The following FAT3 variants were observed in gnomAD, a reference collection of about 807,000 sequenced individuals.
The protein encoded by FAT3 is FAT atypical cadherin 3.
FAT3 carries 95 observed loss-of-function variants against 310.2 expected under a neutral mutation model. The ratio of observed to expected loss-of-function variants is 0.31; its 90% confidence interval spans 0.26 to 0.36. The LOEUF is 0.36. Ranked by LOEUF, FAT3 falls within the 10% of genes least tolerant of loss-of-function variation. The pLI, the probability that FAT3 is intolerant of heterozygous loss-of-function variation, is 1.00. For synonymous variants in FAT3, 2,314 were observed against 2,192.9 expected (o/e 1.06, Z -1.54); for missense variants, 5,408 against 5,715.6 (o/e 0.95, Z 1.74).
intron 2 of FAT3, among the ~76,000 whole-genome samples, chr11:92,382,510 C>G (rs1949518858): frequency 6.6e-6 from 1 of 152,154 alleles, no homozygotes; most frequent in African/African-American, 2.4e-5. Context: ...TTATGAGATC[C>G]TGCCTCGTAA....
intron 2 of FAT3, among the ~76,000 whole-genome samples, chr11:92,396,711 A>T (rs979594584): frequency 6.6e-6 from 1 of 151,918 alleles, no homozygotes; most frequent in Non-Finnish European, 1.5e-5. Flanking sequence ...TTTGTTATTT[A>T]TTTATTTTTT....
chr11:92,747,854 C>T (rs1316006546), intron 4 of FAT3, among the ~76,000 whole-genome samples: 3 of 152,210 alleles, frequency 2.0e-5, no homozygotes, highest in Non-Finnish European at 4.4e-5. Flanking sequence ...CAACCTCAGC[C>T]TGGACTTTAT....
At chr11:92,469,369 T>C (rs565665275) in intron 2 of FAT3, among the ~76,000 whole-genome samples, 1 of 152,196 alleles carries the variant, frequency 6.6e-6, no homozygotes, top group Non-Finnish European at 1.5e-5. Context: ...TCGCCATCTG[T>C]CTCTTCTTGG....
chr11:92,511,578 C>T (rs1245547531), intron 2 of FAT3, among the ~76,000 whole-genome samples: 1 of 152,132 alleles, frequency 6.6e-6, no homozygotes, highest in Non-Finnish European at 1.5e-5. Context: ...TAGTGGGGAG[C>T]TCACAGTAGG....
chr11:92,479,500 C>T (rs1309495935), intron 2 of FAT3, among the ~76,000 whole-genome samples: 1 of 152,122 alleles, frequency 6.6e-6, no homozygotes, highest in Non-Finnish European at 1.5e-5. Flanking sequence ...AATTAAGGCT[C>T]AATATTACGT....
chr11:92,303,736 C>G (rs1339716648), intron 1 of FAT3, among the ~76,000 whole-genome samples: 1 of 152,078 alleles, frequency 6.6e-6, no homozygotes, highest in Non-Finnish European at 1.5e-5. Flanking sequence ...ATGTTTGTAG[C>G]TTGGGATGGC....
chr11:92,480,992 A>G (rs1415236902), intron 2 of FAT3, among the ~76,000 whole-genome samples: 1 of 152,228 alleles, frequency 6.6e-6, no homozygotes, highest in Non-Finnish European at 1.5e-5. Flanking sequence ...ATGAAAAGGT[A>G]TCGTTGCAAA....
chr11:92,809,677 C>A (rs1947613110), intron 12 of FAT3, among the ~76,000 whole-genome samples, 166 bp from the exon 13 acceptor site: 1 of 152,222 alleles, frequency 6.6e-6, no homozygotes, highest in Non-Finnish European at 1.5e-5. Flanking sequence ...TTTTCCCTGA[C>A]ACATAAACTG....
intron 10 of FAT3, 32 bp downstream of exon 10, chr11:92,801,941 C>T (rs777096236): frequency 1.3e-6 from 2 of 1,571,966 alleles, no homozygotes; most frequent in Non-Finnish European, 1.7e-6. Flanking sequence ...TCATTATGTG[C>T]ACTGCTTTAT....
chr11:92,362,930 A>G (rs1948919058), intron 2 of FAT3, among the ~76,000 whole-genome samples: 2 of 152,216 alleles, frequency 1.3e-5, no homozygotes, highest in Admixed American at 1.3e-4. Context: ...AAGGTAAGAA[A>G]GTGAAACCAG....
chr11:92,539,559 G>A (rs1178136763), intron 3 of FAT3, among the ~76,000 whole-genome samples: 1 of 152,090 alleles, frequency 6.6e-6, no homozygotes, highest in South Asian at 2.1e-4. Flanking sequence ...ACAAAAAACA[G>A]GAAACTTCTC....
Position 92,798,233 on chromosome 11 carries a change from C to G in FAT3, c.5220C>G (p.Ile1740Met). 2 of 1,613,938 alleles carry G rather than the reference C, an allele frequency of 1.2e-6. No individual in the cohort carries two copies. The highest frequency in any genetic ancestry group is 1.7e-6 in the Non-Finnish European group (2 of 1,179,860). The change falls in exon 10 of 28, where the codon ATC becomes ATG. Residue 1740 changes from isoleucine (I) to methionine (M), a missense_variant. This residue lies in a region of FAT3 where 4,588 missense variants were observed against 4,809.8 expected (regional missense o/e 0.95). Coordinates refer to ENST00000525166, the MANE Select transcript of FAT3 (RefSeq NM_001367949.2). ...DYERTSSYQL[I>M]IQATNMAGMA... Reference sequence around the variant, plus strand: ...AGCGCACATCCTCTTATCAACTCATCATTCAGGCCACCAATATGGCAGGAA... The same window carrying G: ...AGCGCACATCCTCTTATCAACTCATGATTCAGGCCACCAATATGGCAGGAA...
In FAT3 at chr11:92,774,140, G is replaced by T; in HGVS notation, c.4295G>T (p.Ser1432Ile). 6.2e-7 allele frequency: 1 copy of T among 1,613,200 alleles called. No individual in the cohort carries two copies. Among genetic ancestry groups the T allele is most frequent in the Non-Finnish European group, 8.5e-7 (1 of 1,179,582 alleles). ...DAEQRSIYNMSVEVTDGTNVA... is the reference protein window; with the variant it reads ...DAEQRSIYNMIVEVTDGTNVA... Reference sequence around the variant, plus strand: ...GAGCAGAGGTCCATCTATAATATGAGTGTGGAAGTCACCGATGGGACAAAT... The same window carrying T: ...GAGCAGAGGTCCATCTATAATATGATTGTGGAAGTCACCGATGGGACAAAT... Residue 1432 changes from serine to isoleucine, a missense_variant, in exon 7 of 28, where the codon AGT becomes ATT. Ser to Ile is a moderately radical substitution (Grantham distance 142). Transcript: ENST00000525166.
chr11:92,760,712 G>T (rs976933307), intron 4 of FAT3, among the ~76,000 whole-genome samples: 8 of 152,174 alleles, frequency 5.3e-5, no homozygotes, highest in African/African-American at 1.7e-4. Context: ...ATGAGATAAT[G>T]CATGAAAGAG....
intron 3 of FAT3, among the ~76,000 whole-genome samples, chr11:92,640,591 T>C (rs969077572): frequency 6.6e-6 from 1 of 152,226 alleles, no homozygotes; most frequent in Non-Finnish European, 1.5e-5. Flanking sequence ...AAATAGTTTA[T>C]ATGAATCATT....
intron 6 of FAT3, among the ~76,000 whole-genome samples, chr11:92,771,036 T>C (rs1409840153): frequency 6.6e-6 from 1 of 152,200 alleles, no homozygotes; most frequent in Non-Finnish European, 1.5e-5. Context: ...TTATGTGGGC[T>C]GTTCACAACC....
chr11:92,800,696 A>G lies in FAT3; in HGVS notation c.7683A>G (p.Glu2561=). The change falls in exon 10 of 28, where the codon GAA becomes GAG. Residue 2561 remains glutamate, a synonymous_variant. Transcript: ENST00000525166. ...TCACCACAGAAAGGCTAGACCGGGA[A>G]AACCCTCTAGAAGGGGATGTTAGTA... ...QVITTERLDR[E]NPLEGDVSIF... 6.2e-7 allele frequency: 1 copy of G among 1,613,870 alleles called. No individual in the cohort carries two copies. The highest frequency in any genetic ancestry group is 8.5e-7 in the Non-Finnish European group (1 of 1,179,850).
At chr11:92,655,997 C>G (rs1942568613) in intron 3 of FAT3, among the ~76,000 whole-genome samples, 1 of 152,116 alleles carries the variant, frequency 6.6e-6, no homozygotes. Context: ...TGTCCATTGC[C>G]ACATTTCACA....
At chr11:92,474,993 T>A (rs1191387067) in intron 2 of FAT3, among the ~76,000 whole-genome samples, 1 of 152,232 alleles carries the variant, frequency 6.6e-6, no homozygotes, top group Non-Finnish European at 1.5e-5. Context: ...CATGGGCACA[T>A]TGCCCTTCCC....
Sources: allele counts gnomAD v4.1 joint callset (sites outside exome capture counted in the v4.1 genomes callset), GRCh38; gene constraint gnomAD v4.1.1; regional missense constraint gnomAD v4.1.1; transcripts MANE v1.5; gene names NCBI Gene and HGNC (gene_info 2026-07-23, HGNC 2026-07-21).